Variants in LRP12 observed in about 807,000 individuals in gnomAD.
LRP12 encodes low-density lipoprotein receptor-related protein 12.
In LRP12, 14 loss-of-function variants were observed where a neutral mutation model predicts 66.0. The observed-to-expected ratio is 0.21, with a 90% confidence interval of 0.14 to 0.33. LRP12 has a LOEUF of 0.33. Ranked by LOEUF, LRP12 falls within the 10% of genes least tolerant of loss-of-function variation. LRP12 has a pLI of 1.00. For synonymous variants in LRP12, 357 were observed against 359.1 expected (o/e 0.99, Z 0.07); for missense variants, 889 against 1,053.4 (o/e 0.84, Z 2.16).
chr8:104,557,205 T>C (rs1255219698), intron 1 of LRP12, among the ~76,000 whole-genome samples: 2 of 152,006 alleles, frequency 1.3e-5, no homozygotes, highest in African/African-American at 2.4e-5. Context: ...AGGAACAAGA[T>C]TGCGCACTTT....
At chr8:104,565,802 A>C (rs1811989463) in intron 1 of LRP12, among the ~76,000 whole-genome samples, 1 of 151,092 alleles carries the variant, frequency 6.6e-6, no homozygotes, top group South Asian at 2.1e-4. Context: ...CAGAGCTTGC[A>C]GTGAACCGAG....
chr8:104,585,745 T>A (rs1812319100), intron 1 of LRP12, among the ~76,000 whole-genome samples: 1 of 152,146 alleles, frequency 6.6e-6, no homozygotes, highest in Non-Finnish European at 1.5e-5. Context: ...CCCGAAGCAA[T>A]GTGTATTTTA....
At chr8:104,547,547 TAATTACATA>T in intron 1 of LRP12, among the ~76,000 whole-genome samples, 1 of 128,484 alleles carries the variant, frequency 7.8e-6, no homozygotes, top group Non-Finnish European at 1.6e-5. Flanking sequence ...ATATAATATA[TAATTACATA>T]TTATATATTA....
intron 1 of LRP12, among the ~76,000 whole-genome samples, chr8:104,564,252 C>T (rs186198148): frequency 6.6e-6 from 1 of 152,206 alleles, no homozygotes; most frequent in East Asian, 1.9e-4. Context: ...GCTTCTCAAA[C>T]CTGAATATCA....
chr8:104,538,832 C>G (rs1183537058), intron 1 of LRP12, among the ~76,000 whole-genome samples: 1 of 152,132 alleles, frequency 6.6e-6, no homozygotes, highest in Non-Finnish European at 1.5e-5. Flanking sequence ...ACTTTAGCAA[C>G]TACGTTTTTT....
intron 1 of LRP12, among the ~76,000 whole-genome samples, chr8:104,581,235 A>G (rs1245955751): frequency 1.3e-5 from 2 of 152,226 alleles, no homozygotes; most frequent in African/African-American, 4.8e-5. Flanking sequence ...CTAAATGATG[A>G]GAACACATGG....
At chr8:104,544,131 T>C (rs1040787238) in intron 1 of LRP12, among the ~76,000 whole-genome samples, 1 of 152,170 alleles carries the variant, frequency 6.6e-6, no homozygotes, top group African/African-American at 2.4e-5. Flanking sequence ...AAAGTTTTGA[T>C]GGTCTGGAAA....
At chr8:104,515,379 C>A (rs1167569627) in intron 2 of LRP12, among the ~76,000 whole-genome samples, 2 of 152,100 alleles carry the variant, frequency 1.3e-5, no homozygotes, top group Non-Finnish European at 2.9e-5. Context: ...ATCTTATTCC[C>A]AGCATGCTAA....
At chr8:104,492,287 G>A (rs1421568866) in intron 6 of LRP12, among the ~76,000 whole-genome samples, 3 of 152,084 alleles carry the variant, frequency 2.0e-5, no homozygotes, top group Admixed American at 6.5e-5. Flanking sequence ...CTAGTTAGCT[G>A]TAATTAGTGT....
Position 104,508,974 on chromosome 8 carries a change from G to T in LRP12, c.237C>A (p.Phe79Leu). The T allele has an allele frequency of 6.2e-7, 1 of 1,613,512 alleles. No homozygotes were observed. The highest frequency in any genetic ancestry group is 2.2e-5 in the East Asian group (1 of 44,886). ...EYPAKINCSW[F>L]IRANPGEIIT... ...TGATTTCGCCTGGGTTTGCCCTTAT[G>T]AACCAGCTACAGTTGATTTTTGCAG... The change falls in exon 3 of 7, where the codon TTC (phenylalanine) becomes TTA (leucine). Residue 79 changes from phenylalanine to leucine, a missense_variant. By Grantham distance (22) the Phe-to-Leu change is conservative. Transcript: ENST00000276654.
chr8:104,518,381 T>C (rs73295122), intron 2 of LRP12, among the ~76,000 whole-genome samples: 3,485 of 152,114 alleles, frequency 0.023, 93 homozygotes, highest in African/African-American at 0.062. Context: ...GTCTCAGAGC[T>C]GGGATGGAAC....
At chr8:104,552,383 T>C (rs1287978155) in intron 1 of LRP12, among the ~76,000 whole-genome samples, 2 of 151,706 alleles carry the variant, frequency 1.3e-5, no homozygotes, top group African/African-American at 2.4e-5. Flanking sequence ...TTGTTTTTTT[T>C]TTTTTGCCGG....
chr8:104,531,112 C>T (rs1423690842), intron 2 of LRP12, among the ~76,000 whole-genome samples: 1 of 152,014 alleles, frequency 6.6e-6, no homozygotes, highest in Non-Finnish European at 1.5e-5. Flanking sequence ...AAACAAATTA[C>T]AAGATGACAC....
chr8:104,544,439 A>T (rs1588498665), intron 1 of LRP12, among the ~76,000 whole-genome samples: 1 of 152,344 alleles, frequency 6.6e-6, no homozygotes, highest in East Asian at 1.9e-4. Context: ...TAGATGAAAC[A>T]GCCTTCTATT....
chr8:104,573,737 A>G (rs767728316), intron 1 of LRP12, among the ~76,000 whole-genome samples: 4 of 151,842 alleles, frequency 2.6e-5, no homozygotes, highest in Non-Finnish European at 5.9e-5. Context: ...ACTTCTAAAC[A>G]CTGAACTCAA....
intron 1 of LRP12, among the ~76,000 whole-genome samples, chr8:104,581,980 G>T (rs1812255795): frequency 6.6e-6 from 1 of 152,044 alleles, no homozygotes; most frequent in South Asian, 2.1e-4. Context: ...CAGATACAAA[G>T]ATTATTCTTA....
intron 1 of LRP12, among the ~76,000 whole-genome samples, chr8:104,552,817 A>T (rs556109948): frequency 1.3e-5 from 2 of 152,258 alleles, no homozygotes; most frequent in Admixed American, 1.3e-4. Flanking sequence ...TGCTCCAAGA[A>T]CTACCACAGA....
chr8:104,588,985 C>A lies in LRP12; in HGVS notation c.-88G>T, dbSNP rs1314943323. On this transcript the variant is annotated 5_prime_UTR_variant, in exon 1 of 7. Coordinates refer to ENST00000276654, the MANE Select transcript of LRP12 (RefSeq NM_013437.5). ...GACGACGCCGACGCCGCCGCCGCCG[C>A]CGCCGCCGCCGCCGAGCCACCGGCT... The A allele has an allele frequency of 7.8e-6, 7 of 894,662 alleles. No homozygotes were observed. The highest frequency in any genetic ancestry group is 5.0e-6 in the Non-Finnish European group (3 of 598,354). 55.4% of individuals were successfully genotyped at this position (894,662 alleles called of 1,614,324 possible).
At chr8:104,569,326 T>C (rs915938552) in intron 1 of LRP12, among the ~76,000 whole-genome samples, 2 of 152,110 alleles carry the variant, frequency 1.3e-5, no homozygotes, top group Non-Finnish European at 2.9e-5. Context: ...CCAATGCAAA[T>C]ATTTTGGAAT....
Sources: gnomAD v4.1 joint callset for allele counts (sites outside exome capture counted in the v4.1 genomes callset) on GRCh38, gnomAD v4.1.1 for gene constraint, MANE v1.5 for transcripts, NCBI Gene and HGNC (gene_info 2026-07-23, HGNC 2026-07-21) for gene names.